PBX1: variants seen among roughly 807,000 people sequenced by gnomAD.
PBX1 encodes pre-B-cell leukemia transcription factor 1.
Under a neutral mutation model 53.4 loss-of-function variants are expected in PBX1, and 6 were observed. That is an observed-to-expected ratio of 0.11 (90% CI 0.06 to 0.22). The LOEUF is 0.22. Among genes scored for constraint, PBX1 ranks in the 10% least tolerant of loss-of-function variants. The pLI is 1.00. For synonymous variants in PBX1, 204 were observed against 212.3 expected, an observed-to-expected ratio of 0.96 and a Z score of 0.34; for missense variants, 251 against 551.4, an observed-to-expected ratio of 0.46 and a Z score of 5.46.
chr1:164,789,968 C>T (rs1668408931), intron 2 of PBX1, among the ~76,000 whole-genome samples: 1 of 150,102 alleles, frequency 6.7e-6, no homozygotes, highest in African/African-American at 2.4e-5. Context: ...AGAGGCGATT[C>T]TTTTTTTTTT....
At chr1:164,590,436 T>G in intron 2 of PBX1, 1 of 455,934 alleles carries the variant, frequency 2.2e-6, no homozygotes, top group Non-Finnish European at 4.4e-6. Flanking sequence ...GTGCTTCAGG[T>G]AAACAAGCTG....
chr1:164,809,930 T>C (rs1669526631), intron 5 of PBX1, among the ~76,000 whole-genome samples: 1 of 152,226 alleles, frequency 6.6e-6, no homozygotes. Flanking sequence ...TAATTCTGAA[T>C]CAGAATCTTT....
chr1:164,709,078 A>G (rs977433263), intron 2 of PBX1, among the ~76,000 whole-genome samples: 2 of 152,310 alleles, frequency 1.3e-5, no homozygotes, highest in Admixed American at 6.5e-5. Context: ...AGAAGTAGTC[A>G]CGGTACTCAT....
downstream of PBX1, among the ~76,000 whole-genome samples, chr1:164,854,780 G>A (rs1366380230): frequency 6.6e-6 from 1 of 152,034 alleles, no homozygotes. Flanking sequence ...CAGGACCCAT[G>A]CAAAAGACAA....
chr1:164,761,538 A>G (rs370797716), intron 2 of PBX1, among the ~76,000 whole-genome samples: 25 of 151,708 alleles, frequency 1.6e-4, no homozygotes, highest in African/African-American at 4.8e-4. Flanking sequence ...TCCGCCTCCC[A>G]GGTTCACGCC....
chr1:164,783,096 C>T (rs542080944), intron 2 of PBX1, among the ~76,000 whole-genome samples: 12 of 152,250 alleles, frequency 7.9e-5, no homozygotes, highest in South Asian at 2.1e-4. Flanking sequence ...TCAGAAAGAC[C>T]GAGGCTTCCA....
chr1:164,576,035 A>C (rs572285445), intron 2 of PBX1, among the ~76,000 whole-genome samples: 1 of 152,332 alleles, frequency 6.6e-6, no homozygotes, highest in South Asian at 2.1e-4. Flanking sequence ...AACCCAAGAG[A>C]TGAGAGAGCA....
At chr1:164,584,597 T>C (rs1182614486) in intron 2 of PBX1, among the ~76,000 whole-genome samples, 1 of 152,124 alleles carries the variant, frequency 6.6e-6, no homozygotes, top group Admixed American at 6.5e-5. Flanking sequence ...AGCTCTCTGT[T>C]TTCTGAGTTA....
At chr1:164,690,857 G>A (rs1686194) in intron 2 of PBX1, among the ~76,000 whole-genome samples, 151,641 of 152,172 alleles carry the variant, frequency 1, 75,556 homozygotes, top group Middle Eastern at 1. Flanking sequence ...CCTGTTTTAC[G>A]GATGATGCGG....
rs185336350 is a variant in PBX1 at position 164,634,013 on chromosome 1, C to T, written c.265+70702C>T. 7.2e-5 allele frequency among the ~76,000 whole-genome samples: 11 copies of T among 152,322 alleles called. No individual in the cohort carries two copies. In the East Asian group the frequency reaches 7.7e-4, roughly 11 times the overall value. ...GCTCTGTTGTAACAGTCCCGGGTGG[C>T]GTTATCCAGCTCTGCTGTGGCACAG... On this transcript the variant is annotated intron_variant, in intron 2 of 8. Coordinates refer to ENST00000420696, the MANE Select transcript of PBX1 (RefSeq NM_002585.4).
chr1:164,741,918 G>A (rs1665633978), intron 2 of PBX1, among the ~76,000 whole-genome samples: 1 of 151,098 alleles, frequency 6.6e-6, no homozygotes. Context: ...TTTTTTTAAG[G>A]TAGATTTTTT....
chr1:164,743,747 A>G (rs768871421), intron 2 of PBX1, among the ~76,000 whole-genome samples: 10 of 152,208 alleles, frequency 6.6e-5, no homozygotes, highest in Admixed American at 2.0e-4. Context: ...TTTTCTACCC[A>G]TCACATCAAT....
intron 2 of PBX1, among the ~76,000 whole-genome samples, chr1:164,865,444 G>A (rs2102447217): frequency 6.6e-6 from 1 of 152,306 alleles, no homozygotes; most frequent in Middle Eastern, 3.4e-3. Flanking sequence ...CAGAGTGCTT[G>A]ACACTGGAAA....
intron 2 of PBX1, among the ~76,000 whole-genome samples, chr1:164,597,748 A>ATACC (rs985067867): frequency 2.0e-5 from 3 of 152,270 alleles, no homozygotes; most frequent in Admixed American, 6.5e-5. Flanking sequence ...TGTAAATATA[A>ATACC]TACCTCAGGA....
chr1:164,637,241 T>C (rs1186278147), intron 2 of PBX1, among the ~76,000 whole-genome samples: 1 of 152,186 alleles, frequency 6.6e-6, no homozygotes, highest in African/African-American at 2.4e-5. Context: ...ATGCCCTTGA[T>C]AGTATTGACA....
chr1:164,797,234 G>A (rs1668832956), intron 3 of PBX1, among the ~76,000 whole-genome samples: 1 of 152,164 alleles, frequency 6.6e-6, no homozygotes, highest in Admixed American at 6.5e-5. Context: ...ATTATTAGCT[G>A]AGCACTGTGG....
At chr1:164,716,365 A>G (rs1215223362) in intron 2 of PBX1, among the ~76,000 whole-genome samples, 1 of 152,164 alleles carries the variant, frequency 6.6e-6, no homozygotes, top group Non-Finnish European at 1.5e-5. Flanking sequence ...CTACATATTG[A>G]AAAATTAGGC....
chr1:164,617,896 A>G (rs1221470279), intron 2 of PBX1, among the ~76,000 whole-genome samples: 3 of 151,554 alleles, frequency 2.0e-5, no homozygotes, highest in Non-Finnish European at 4.4e-5. Flanking sequence ...CTCTTGTCCC[A>G]TTTTCTTTTT....
chr1:164,663,590 A>T (rs575766702), intron 2 of PBX1, among the ~76,000 whole-genome samples: 1 of 152,346 alleles, frequency 6.6e-6, no homozygotes, highest in East Asian at 1.9e-4. Context: ...TATATCAAAG[A>T]TACTTATATT....
Sources: gnomAD v4.1 joint callset for allele counts (sites outside exome capture counted in the v4.1 genomes callset) on GRCh38, gnomAD v4.1.1 for gene constraint, MANE v1.5 for transcripts, NCBI Gene and HGNC (gene_info 2026-07-23, HGNC 2026-07-21) for gene names.